The following APBA2 variants were observed in gnomAD, a reference collection of about 807,000 sequenced individuals.
APBA2 encodes amyloid-beta A4 precursor protein-binding family A member 2.
In APBA2, 30 loss-of-function variants were observed where a neutral mutation model predicts 75.0. The ratio of observed to expected loss-of-function variants is 0.40; its 90% CI spans 0.30 to 0.54. APBA2 has a LOEUF of 0.54. Among genes scored for constraint, APBA2 ranks in the 20% least tolerant of loss-of-function variants. The pLI, the probability that APBA2 is intolerant of heterozygous loss-of-function variation, is 0.49. For synonymous variants in APBA2, 444 were observed against 409.6 expected (o/e 1.08, Z -1.01); for missense variants, 801 against 1,016.1 (o/e 0.79, Z 2.88).
At chr15:28,938,427 G>T (rs1482641596) in intron 2 of APBA2, among the ~76,000 whole-genome samples, 2 of 152,116 alleles carry the variant, frequency 1.3e-5, no homozygotes, top group South Asian at 4.1e-4. Context: ...TTTTGTGTGG[G>T]ACTTGCTGTT....
chr15:29,112,095 C>T (rs951396516), intron 13 of APBA2, among the ~76,000 whole-genome samples: 1 of 152,216 alleles, frequency 6.6e-6, no homozygotes. Flanking sequence ...TCACCTGTGT[C>T]CTCCCGTCCT....
chr15:28,986,005 G>A (rs1335236335), intron 2 of APBA2, among the ~76,000 whole-genome samples: 1 of 152,160 alleles, frequency 6.6e-6, no homozygotes, highest in Non-Finnish European at 1.5e-5. Flanking sequence ...TGCCCTCCCT[G>A]CCTCTCAGGC....
intron 4 of APBA2, among the ~76,000 whole-genome samples, chr15:29,067,308 A>G (rs530028637): frequency 6.6e-6 from 1 of 152,214 alleles, no homozygotes; most frequent in East Asian, 1.9e-4. Flanking sequence ...CCAAATCAAA[A>G]CTATTTAGAT....
chr15:28,973,246 A>G (rs890381847), intron 2 of APBA2, among the ~76,000 whole-genome samples: 13 of 152,222 alleles, frequency 8.5e-5, no homozygotes, highest in Admixed American at 3.9e-4. Context: ...CTGTCATTCT[A>G]TGTGAACACT....
At chr15:28,910,971 G>T (rs1404503169) in intron 1 of APBA2, among the ~76,000 whole-genome samples, 1 of 152,076 alleles carries the variant, frequency 6.6e-6, no homozygotes, top group Non-Finnish European at 1.5e-5. Flanking sequence ...AGAGAGATGG[G>T]TCACTGAATA....
intron 7 of APBA2, 135 bp from the exon 8 acceptor site, chr15:29,094,141 CTG>C: frequency 1.1e-6 from 1 of 878,510 alleles, no homozygotes; most frequent in Non-Finnish European, 1.9e-6. Context: ...TGGGCAATGG[CTG>C]TCCACCCGTC....
chr15:29,023,197 T>A (rs1262860552), intron 3 of APBA2, among the ~76,000 whole-genome samples: 1 of 152,176 alleles, frequency 6.6e-6, no homozygotes, highest in Non-Finnish European at 1.5e-5. Flanking sequence ...TCTTTGTGTT[T>A]GTACTTCTAG....
At chr15:29,065,448 C>T (rs886791160) in intron 4 of APBA2, among the ~76,000 whole-genome samples, 1 of 152,190 alleles carries the variant, frequency 6.6e-6, no homozygotes, top group Non-Finnish European at 1.5e-5. Flanking sequence ...CAACCAGTGC[C>T]AGTCAGTTAC....
chr15:28,948,809 A>T (rs1198618610), intron 2 of APBA2, among the ~76,000 whole-genome samples: 1 of 152,094 alleles, frequency 6.6e-6, no homozygotes, highest in African/African-American at 2.4e-5. Flanking sequence ...TTGTTTGGGA[A>T]TGAGCCACAT....
At chr15:29,100,111 G>A (rs1280346021) in intron 9 of APBA2, among the ~76,000 whole-genome samples, 2 of 152,320 alleles carry the variant, frequency 1.3e-5, no homozygotes, top group Non-Finnish European at 2.9e-5. Context: ...GAGCAGATGC[G>A]GCCATGTTGG....
intron 2 of APBA2, among the ~76,000 whole-genome samples, chr15:28,977,850 C>T (rs1462779847): frequency 6.6e-6 from 1 of 152,130 alleles, no homozygotes; most frequent in African/African-American, 2.4e-5. Flanking sequence ...TTGTGTCTCT[C>T]CCATACAGTC....
intron 2 of APBA2, among the ~76,000 whole-genome samples, chr15:28,988,096 A>G (rs1236233096): frequency 1.3e-5 from 2 of 152,102 alleles, no homozygotes; most frequent in Non-Finnish European, 2.9e-5. Flanking sequence ...CATTGCAGCT[A>G]GAGCCCCTCC....
chr15:28,996,829 AC>A (rs956634731), intron 3 of APBA2, among the ~76,000 whole-genome samples: 3 of 151,202 alleles, frequency 2.0e-5, no homozygotes, highest in Non-Finnish European at 2.9e-5. Flanking sequence ...CCTTGGGAAC[AC>A]CCCCCCTGCC....
chr15:28,913,119 A>C (rs958332184), intron 1 of APBA2, among the ~76,000 whole-genome samples: 1 of 152,214 alleles, frequency 6.6e-6, no homozygotes, highest in Non-Finnish European at 1.5e-5. Flanking sequence ...GCAGATGGGC[A>C]AGGATTGAGT....
At chr15:29,013,497 G>A (rs2039508960) in intron 3 of APBA2, among the ~76,000 whole-genome samples, 1 of 151,956 alleles carries the variant, frequency 6.6e-6, no homozygotes, top group Non-Finnish European at 1.5e-5. Flanking sequence ...TAGCCAAGAT[G>A]GTCTTGATGT....
chr15:28,933,393 C>T (rs1442569879), intron 2 of APBA2, among the ~76,000 whole-genome samples: 1 of 152,184 alleles, frequency 6.6e-6, no homozygotes, highest in Non-Finnish European at 1.5e-5. Context: ...CGCAGGTACT[C>T]ACCAGGCACG....
At chr15:28,897,213 G>A (rs957531850) in intron 1 of APBA2, among the ~76,000 whole-genome samples, 13 of 127,572 alleles carry the variant, frequency 1.0e-4, no homozygotes, top group Admixed American at 2.2e-4. Flanking sequence ...ACACACACAC[G>A]TCCACTAAAG....
intron 1 of APBA2, among the ~76,000 whole-genome samples, chr15:28,892,794 T>C (rs1474075483): frequency 6.6e-6 from 1 of 152,214 alleles, no homozygotes; most frequent in Non-Finnish European, 1.5e-5. Flanking sequence ...GTTGTATGCA[T>C]TGTTAATTTA....
At chr15:29,038,748 G>A (rs144535703) in intron 3 of APBA2, among the ~76,000 whole-genome samples, 5,342 of 142,104 alleles carry the variant, frequency 0.038, 332 homozygotes, top group African/African-American at 0.13. Flanking sequence ...ATCTTGGCTC[G>A]CTGCAACCTC....
Sources: allele counts gnomAD v4.1 joint callset (sites outside exome capture counted in the v4.1 genomes callset), GRCh38; gene constraint gnomAD v4.1.1; transcripts MANE v1.5; gene names NCBI Gene and HGNC (gene_info 2026-07-23, HGNC 2026-07-21).